COL14A1: variants seen among roughly 807,000 people sequenced by gnomAD.
COL14A1 encodes collagen type XIV alpha 1 chain.
Under a neutral mutation model 230.3 loss-of-function variants are expected in COL14A1, and 136 were observed. The observed-to-expected ratio is 0.59, with a 90% CI of 0.51 to 0.68. The LOEUF (loss-of-function observed/expected upper bound fraction) is 0.68. Ranked by LOEUF, COL14A1 falls within the 30% of genes least tolerant of loss-of-function variation. The pLI is 0.00. For missense variants in COL14A1, 1,976 were observed against 2,215.8 expected (o/e 0.89, Z 2.17); for synonymous variants, 792 against 784.1 (o/e 1.01, Z -0.17).
At position 120,244,023 on chromosome 8, in the gene COL14A1, C is replaced by T; in HGVS notation, c.2479+15C>T. 1 of 1,608,562 alleles carries T rather than the reference C, an allele frequency of 6.2e-7. No homozygotes were observed. Among genetic ancestry groups the T allele is most frequent in the Non-Finnish European group, 8.5e-7 (1 of 1,177,444 alleles). ...TGGAAAAACCTGTAAGTGAAGCTTTCTCCCTTTGAATACAAGCCGACTCAT... is the reference window on the plus strand; with the variant it reads ...TGGAAAAACCTGTAAGTGAAGCTTTTTCCCTTTGAATACAAGCCGACTCAT... On this transcript the variant is annotated intron_variant, in intron 20 of 47. Coordinates refer to ENST00000297848, the MANE Select transcript of COL14A1 (RefSeq NM_021110.4).
intron 26 of COL14A1, among the ~76,000 whole-genome samples, chr8:120,276,598 G>C (rs541493152): frequency 1.3e-5 from 2 of 151,786 alleles, no homozygotes; most frequent in African/African-American, 4.8e-5. Context: ...CTGGTTTTCT[G>C]TCCTTGTGAT....
chr8:120,341,528 A>G (rs546778086), intron 43 of COL14A1, among the ~76,000 whole-genome samples, 168 bp downstream of exon 43: 3 of 152,346 alleles, frequency 2.0e-5, no homozygotes, highest in African/African-American at 4.8e-5. Context: ...TTTTCCAGAC[A>G]TAAAATCCCT....
intron 4 of COL14A1, among the ~76,000 whole-genome samples, chr8:120,167,351 ATG>A (rs201840803): frequency 4.2e-5 from 3 of 71,016 alleles, no homozygotes; most frequent in East Asian, 1.3e-3. Flanking sequence ...TTTCCATGAA[ATG>A]AATGTAGCAA....
At chr8:120,166,757 GA>G (rs1437945714) in intron 4 of COL14A1, among the ~76,000 whole-genome samples, 6 of 152,216 alleles carry the variant, frequency 3.9e-5, no homozygotes, top group African/African-American at 1.4e-4. Context: ...CTTAGTATAT[GA>G]TTGTGTTTCG....
rs977941417 is a variant in COL14A1 at position 120,218,201 on chromosome 8, A to G, written c.1737+1711A>G. Reference sequence around the variant, plus strand: ...TAAATATATAAGTATATATCTATATATAAATATATAATATATAAATATAAA... The same window carrying G: ...TAAATATATAAGTATATATCTATATGTAAATATATAATATATAAATATAAA... On this transcript the variant is annotated intron_variant, in intron 14 of 47. Transcript: ENST00000297848. Among the ~76,000 whole-genome samples, 10 of 137,862 alleles carry G rather than the reference A, an allele frequency of 7.3e-5. No homozygotes were observed. The East Asian group carries it at 2.0e-3, about 27-fold the overall frequency. 90.4% of individuals were successfully genotyped at this position (137,862 alleles called of 152,430 possible).
chr8:120,149,286 C>A (rs1310327917), intron 2 of COL14A1, among the ~76,000 whole-genome samples: 1 of 152,142 alleles, frequency 6.6e-6, no homozygotes, highest in East Asian at 1.9e-4. Context: ...TTAAGGGAGG[C>A]GTACCTGTTT....
At chr8:120,241,777 G>A (rs780375721) in intron 19 of COL14A1, among the ~76,000 whole-genome samples, 13 of 152,140 alleles carry the variant, frequency 8.5e-5, no homozygotes, top group Non-Finnish European at 1.5e-4. Context: ...GCCCAGACAA[G>A]ATTCTTGGGG....
intron 9 of COL14A1, among the ~76,000 whole-genome samples, chr8:120,206,628 C>T (rs754665756): frequency 3.7e-4 from 56 of 152,198 alleles, no homozygotes; most frequent in Non-Finnish European, 5.3e-4. Flanking sequence ...GGATTACAGG[C>T]ATGAACCACT....
intron 31 of COL14A1, among the ~76,000 whole-genome samples, chr8:120,282,479 A>G (rs2129913035): frequency 6.6e-6 from 1 of 152,336 alleles, no homozygotes; most frequent in South Asian, 2.1e-4. Flanking sequence ...TTGCTGATGT[A>G]TCTTAAATGT....
At chr8:120,332,054 C>G in intron 40 of COL14A1, 87 bp from the exon 41 acceptor site, 1 of 1,144,974 alleles carries the variant, frequency 8.7e-7, no homozygotes, top group Non-Finnish European at 1.3e-6. Flanking sequence ...GGACTTGACC[C>G]CCAAACATGA....
intron 5 of COL14A1, among the ~76,000 whole-genome samples, chr8:120,174,893 A>C (rs571513930): frequency 1.3e-5 from 2 of 152,202 alleles, no homozygotes; most frequent in South Asian, 4.2e-4. Flanking sequence ...GGCCCACTGG[A>C]GACAAAAGAT....
chr8:120,293,796 A>G (rs1820443696), intron 34 of COL14A1, among the ~76,000 whole-genome samples: 1 of 151,966 alleles, frequency 6.6e-6, no homozygotes, highest in Non-Finnish European at 1.5e-5. Context: ...CCTTGAGAGC[A>G]AAGTAATCAA....
At chr8:120,342,923 T>C (rs920745037) in intron 44 of COL14A1, among the ~76,000 whole-genome samples, 4 of 152,206 alleles carry the variant, frequency 2.6e-5, no homozygotes, top group African/African-American at 9.6e-5. Context: ...TAGCCTAAGG[T>C]CTTCTCATTT....
intron 12 of COL14A1, among the ~76,000 whole-genome samples, chr8:120,211,237 A>G (rs1817608339): frequency 1.3e-5 from 2 of 152,204 alleles, no homozygotes; most frequent in South Asian, 4.1e-4. Context: ...CATTGCAGAC[A>G]ACTAACAGGC....
intron 2 of COL14A1, among the ~76,000 whole-genome samples, chr8:120,154,131 CAA>C (rs932539405): frequency 2.6e-5 from 4 of 152,006 alleles, no homozygotes; most frequent in African/African-American, 9.7e-5. Flanking sequence ...TTTTAATAAA[CAA>C]ATGTGAATAT....
chr8:120,331,497 A>C (rs747268691), intron 40 of COL14A1, among the ~76,000 whole-genome samples: 4 of 152,212 alleles, frequency 2.6e-5, no homozygotes, highest in African/African-American at 9.6e-5. Flanking sequence ...AAAATAACAC[A>C]CATACCTATA....
chr8:120,252,242 G>A (rs190754313), intron 22 of COL14A1, among the ~76,000 whole-genome samples: 66 of 151,716 alleles, frequency 4.4e-4, no homozygotes, highest in Non-Finnish European at 2.8e-4. Context: ...TTGGTTACAC[G>A]GATAAATTCT....
chr8:120,212,758 T>C (rs960300190), intron 13 of COL14A1, among the ~76,000 whole-genome samples, 181 bp downstream of exon 13: 1 of 152,212 alleles, frequency 6.6e-6, no homozygotes, highest in African/African-American at 2.4e-5. Context: ...TTATGAGTGA[T>C]AAGGTTGCCA....
chr8:120,227,407 C>A lies in COL14A1; in HGVS notation c.2137+55C>A. 3.1e-6 allele frequency: 5 copies of A among 1,594,326 alleles called. No homozygotes were observed. The South Asian group carries it at 3.4e-5, about 11-fold the overall frequency. On this transcript the variant is annotated intron_variant, in intron 17 of 47. Coordinates refer to ENST00000297848, the MANE Select transcript of COL14A1 (RefSeq NM_021110.4). ...TAGCTGCTCCCACAATCCCTCTTTA[C>A]CCCATCAATTTCCTTCCCCATCTGC...
Sources: gnomAD v4.1 joint callset for allele counts (sites outside exome capture counted in the v4.1 genomes callset) on GRCh38, gnomAD v4.1.1 for gene constraint, MANE v1.5 for transcripts, NCBI Gene and HGNC (gene_info 2026-07-23, HGNC 2026-07-21) for gene names.